The following PRIM1 variants were observed in gnomAD, a reference collection of about 807,000 sequenced individuals.
PRIM1 encodes the protein DNA primase small subunit.
PRIM1 carries 38 observed loss-of-function variants against 60.2 expected under a neutral mutation model. That is an observed-to-expected ratio of 0.63 (90% CI 0.49 to 0.83). PRIM1 has a LOEUF of 0.83. PRIM1 is among the 40% of genes least tolerant of loss of function. The probability of loss-of-function intolerance (pLI) is 0.00; values close to 1 mark genes in which losing one functional copy is unlikely to be tolerated. For missense variants in PRIM1, 388 were observed against 506.2 expected (o/e 0.77, Z 2.24); for synonymous variants, 158 against 160.2 (o/e 0.99, Z 0.10).
chr12:56,736,932 T>G (rs373829621), intron 11 of PRIM1, among the ~76,000 whole-genome samples: 10 of 152,028 alleles, frequency 6.6e-5, no homozygotes, highest in African/African-American at 2.4e-4. Flanking sequence ...AGACCACAGG[T>G]GCCTGCCAGC....
intron 2 of PRIM1, among the ~76,000 whole-genome samples, chr12:56,749,110 G>A (rs1953928581): frequency 1.3e-5 from 2 of 152,184 alleles, no homozygotes; most frequent in South Asian, 2.1e-4. Context: ...CCGGGTTCAA[G>A]CAATTCTCCT....
Position 56,751,176 on chromosome 12 carries a change from T to C in PRIM1, c.123A>G (p.Gln41=). 6.4e-7 allele frequency: 1 copy of C among 1,551,032 alleles called. No homozygotes were observed. Among genetic ancestry groups the C allele is most frequent in the Non-Finnish European group, 8.7e-7 (1 of 1,146,304 alleles). The change falls in exon 2 of 13, where the codon CAA becomes CAG. Residue 41 remains glutamine (Q), a synonymous_variant. Coordinates refer to ENST00000338193, the MANE Select transcript of PRIM1 (RefSeq NM_000946.3). ...TCAATGTGAATGAAAATTCACGGTGTTGAAAGTAATTCTTTATCACTGCAA... is the reference window on the plus strand; with the variant it reads ...TCAATGTGAATGAAAATTCACGGTGCTGAAAGTAATTCTTTATCACTGCAA... ...NYGGVIKNYF[Q]HREFSFTLKD...
chr12:56,735,201 C>T (rs897850799), intron 11 of PRIM1, among the ~76,000 whole-genome samples: 3 of 151,604 alleles, frequency 2.0e-5, no homozygotes, highest in South Asian at 4.2e-4. Context: ...CGAGTTCAAG[C>T]GATTCTCCTG....
intron 4 of PRIM1, 137 bp downstream of exon 4, chr12:56,746,626 TCACACACACACACACACA>T (rs71446569): frequency 2.7e-4 from 171 of 640,652 alleles, no homozygotes; most frequent in African/African-American, 7.8e-4. Context: ...GTGAGACTCG[TCACACACACACACACACA>T]CACACACACA....
rs74401146 is a variant in PRIM1, at chr12:56,738,405, T to A, written c.1144+29A>T. On this transcript the variant is annotated intron_variant, in intron 11 of 12. Coordinates refer to ENST00000338193, the MANE Select transcript of PRIM1 (RefSeq NM_000946.3). ...GATATCTATATAAAAACCCTGTATTTAAAGTGAAGCTTCAAAATATTACCT... is the reference window on the plus strand; with the variant it reads ...GATATCTATATAAAAACCCTGTATTAAAAGTGAAGCTTCAAAATATTACCT... The A allele has an allele frequency of 5.4e-5, 82 of 1,527,118 alleles. No individual in the cohort carries two copies. The African/African-American group carries it at 1.1e-3, about 20-fold the overall frequency. 94.6% of individuals were successfully genotyped at this position (1,527,118 alleles called of 1,614,324 possible). A position where few individuals can be genotyped will look rare whatever the true frequency, so the allele number is the denominator to read the frequency against.
intron 1 of PRIM1, 55 bp from the exon 2 acceptor site, chr12:56,751,250 C>T: frequency 7.8e-7 from 1 of 1,288,052 alleles, no homozygotes; most frequent in South Asian, 1.8e-5. Flanking sequence ...TGGCTCAGGG[C>T]ATTATAATTT....
chr12:56,750,652 C>T (rs964594256), intron 2 of PRIM1, among the ~76,000 whole-genome samples: 14 of 150,242 alleles, frequency 9.3e-5, no homozygotes, highest in Admixed American at 3.3e-4. Flanking sequence ...TGCAATGGCG[C>T]GATCTTGGCT....
rs1260402643 is a variant in PRIM1 at position 56,744,952 on chromosome 12, C to G, written c.580-829G>C. 2.0e-5 allele frequency among the ~76,000 whole-genome samples: 3 copies of G among 151,580 alleles called. No homozygotes were observed. In the East Asian group the frequency reaches 5.8e-4, roughly 29 times the overall value. ...ACCTGCCAACACGCCTGGCTAAATA[C>G]AAAAATTAGCCGGGTGTGGTGGCAA... On this transcript the variant is annotated intron_variant, in intron 5 of 12. Coordinates refer to ENST00000338193, the MANE Select transcript of PRIM1 (RefSeq NM_000946.3).
chr12:56,744,724 A>G (rs1953894903), intron 5 of PRIM1, among the ~76,000 whole-genome samples: 1 of 151,274 alleles, frequency 6.6e-6, no homozygotes, highest in Non-Finnish European at 1.5e-5. Context: ...GTGTAAGTAT[A>G]CTCCATGACT....
At position 56,752,285 on chromosome 12, in the gene PRIM1, T is replaced by G. The variant is rs2277339; in HGVS notation, c.14A>C (p.Asp5Ala). The G allele has an allele frequency of 0.11, 180,916 of 1,579,316 alleles. 11,085 individuals carry two copies. Among genetic ancestry groups the G allele is most frequent in the East Asian group, 0.21 (9,176 of 43,060 alleles). ...AAGCAGCTCGGGCAGCTCGGTGGGG[T>G]CAAACGTCTCCATTGAGCGCGGAAC... METF[D>A]PTELPELLKL... is the part of the protein sequence containing the mutation. The change falls in exon 1 of 13, where the codon GAC becomes GCC. Residue 5 changes from aspartate (D) to alanine (A), a missense_variant. This residue lies in a region of PRIM1 where 156 missense variants were observed against 175.8 expected (regional missense o/e 0.89). Coordinates refer to ENST00000338193, the MANE Select transcript of PRIM1 (RefSeq NM_000946.3).
chr12:56,749,380 A>G (rs1022236729), intron 2 of PRIM1, among the ~76,000 whole-genome samples: 16 of 152,186 alleles, frequency 1.1e-4, no homozygotes, highest in African/African-American at 3.9e-4. Context: ...AACTGACAAA[A>G]ATCACAAAAC....
chr12:56,739,394 T>C (rs759458588), intron 9 of PRIM1, 31 bp from the exon 10 acceptor site: 20 of 1,428,568 alleles, frequency 1.4e-5, no homozygotes, highest in Admixed American at 4.2e-5. Flanking sequence ...AAACTGATGA[T>C]TGTGGACTAT....
chr12:56,750,979 C>T (rs1387414682), intron 2 of PRIM1, 59 bp downstream of exon 2: 1 of 1,170,092 alleles, frequency 8.5e-7, no homozygotes, highest in Non-Finnish European at 1.1e-6. Context: ...CAAGAGGAAT[C>T]AACCCATTCT....
chr12:56,751,214 T>C lies in PRIM1; in HGVS notation c.104-19A>G. On this transcript the variant is annotated intron_variant, in intron 1 of 12. Transcript: ENST00000338193. Reference sequence around the variant, plus strand: ...TTTATCACTGCAAAATAAATGTACATTTTAAAGTTAATTTGCTACTTTATT... The same window carrying C: ...TTTATCACTGCAAAATAAATGTACACTTTAAAGTTAATTTGCTACTTTATT... 6.8e-7 allele frequency: 1 copy of C among 1,472,558 alleles called. No individual in the cohort carries two copies. The highest frequency in any genetic ancestry group is 1.4e-5 in the African/African-American group (1 of 70,170). 91.2% of individuals were successfully genotyped at this position (1,472,558 alleles called of 1,614,324 possible).
intron 10 of PRIM1, 48 bp from the exon 11 acceptor site, chr12:56,738,573 G>T: frequency 6.5e-7 from 1 of 1,536,938 alleles, no homozygotes; most frequent in South Asian, 1.2e-5. Context: ...TTGTTTTTGA[G>T]ACGGAGTCTT....
intron 6 of PRIM1, 79 bp from the exon 7 acceptor site, chr12:56,743,175 G>A: frequency 1.5e-6 from 2 of 1,376,436 alleles, no homozygotes; most frequent in Non-Finnish European, 1.9e-6. Context: ...GCCATTGTGG[G>A]GAAAACTACT....
Position 56,742,981 on chromosome 12 carries a change from G to C in PRIM1, c.748+6C>G. The C allele has an allele frequency of 6.6e-7, 1 of 1,517,474 alleles. No individual in the cohort carries two copies. The highest frequency in any genetic ancestry group is 8.8e-7 in the Non-Finnish European group (1 of 1,131,638). The allele number at this position is 1,517,474 out of a possible 1,614,324, so 94.0% of individuals were successfully genotyped here. Reference sequence around the variant, plus strand: ...CTCACACAGAAATGATCACGGGAAAGGATATTTTCAGGAACAAGGGCTAAA... The same window carrying C: ...CTCACACAGAAATGATCACGGGAAACGATATTTTCAGGAACAAGGGCTAAA... On this transcript the variant is annotated splice_donor_region_variant and intron_variant, in intron 7 of 12. Coordinates refer to ENST00000338193, the MANE Select transcript of PRIM1 (RefSeq NM_000946.3).
At chr12:56,746,446 C>A in intron 4 of PRIM1, 1 of 600,084 alleles carries the variant, frequency 1.7e-6, no homozygotes, top group Non-Finnish European at 3.0e-6. Context: ...GCCTGACCAA[C>A]ATGGTGAAAC....
At chr12:56,736,235 T>C (rs554274346) in intron 11 of PRIM1, among the ~76,000 whole-genome samples, 1 of 122,042 alleles carries the variant, frequency 8.2e-6, no homozygotes, top group South Asian at 2.7e-4. Context: ...GAGGCGGAGG[T>C]TGCAATGAGC....
Sources: allele counts gnomAD v4.1 joint callset (sites outside exome capture counted in the v4.1 genomes callset), GRCh38; gene constraint gnomAD v4.1.1; regional missense constraint gnomAD v4.1.1; transcripts MANE v1.5; gene names NCBI Gene and HGNC (gene_info 2026-07-23, HGNC 2026-07-21).